Variants in CCS observed in about 807,000 individuals in gnomAD.
The protein encoded by CCS is superoxide dismutase copper chaperone.
In CCS, 32 loss-of-function variants were observed where a neutral mutation model predicts 35.5. The observed-to-expected ratio is 0.90, with a 90% CI of 0.68 to 1.21. CCS has a LOEUF of 1.21. Among genes scored for constraint, CCS ranks in the 50% most tolerant of loss-of-function variants. The pLI is 0.00. For synonymous variants in CCS, 130 were observed against 147.2 expected (o/e 0.88, Z 0.84); for missense variants, 342 against 375.4 (o/e 0.91, Z 0.73).
At chr11:66,597,284 C>G (rs960828588) in intron 2 of CCS, among the ~76,000 whole-genome samples, 4 of 151,838 alleles carry the variant, frequency 2.6e-5, no homozygotes, top group African/African-American at 7.3e-5. Flanking sequence ...CGGTGAAACC[C>G]TGTCTCTACT....
At position 66,600,524 on chromosome 11, in the gene CCS, A is replaced by T; in HGVS notation, c.464A>T (p.His155Leu). ...GNHFNPDGAS[H>L]GGPQDSDRHR... ...CACTTTAACCCTGATGGAGCATCTC[A>T]TGGGGGCCCCCAGGACTCTGACCGG... Residue 155 changes from histidine to leucine, a missense_variant, in exon 5 of 8, where the codon CAT (histidine) becomes CTT (leucine). Transcript: ENST00000533244. The T allele has an allele frequency of 6.5e-7, 1 of 1,527,884 alleles. No individual in the cohort carries two copies. The highest frequency in any genetic ancestry group is 1.9e-5 in the Admixed American group (1 of 51,644). The allele number at this position is 1,527,884 out of a possible 1,614,324, so 94.6% of individuals were successfully genotyped here. A position where few individuals can be genotyped will look rare whatever the true frequency, so the allele number is the denominator to read the frequency against.
At chr11:66,599,395 C>A in intron 3 of CCS, 64 bp from the exon 4 acceptor site, 1 of 1,496,986 alleles carries the variant, frequency 6.7e-7, no homozygotes, top group East Asian at 2.3e-5. Context: ...CTGCCCTTCC[C>A]GAGCTGCTGA....
Position 66,599,213 on chromosome 11 carries a change from G to A in CCS, c.210G>A (p.Gly70=). 1 of 1,613,084 alleles carries A rather than the reference G, an allele frequency of 6.2e-7. No homozygotes were observed. The highest frequency in any genetic ancestry group is 8.5e-7 in the Non-Finnish European group (1 of 1,179,612). Residue 70 remains glycine (G), a synonymous_variant, in exon 3 of 8, where the codon GGG becomes GGA. Transcript: ENST00000533244. ...TGCAGGCTCTCCTGGAAGGCACGGG[G>A]CGGCAGGCGGTACTCAAGGGCATGG... is the stretch of plus-strand genomic sequence containing the variant. The part of the protein sequence containing the change: ...QEVQALLEGT[G]RQAVLKGMGS...
At chr11:66,593,387 G>A (rs577188430) in intron 1 of CCS, 87 bp downstream of exon 1, 1 of 1,361,878 alleles carries the variant, frequency 7.3e-7, no homozygotes, top group South Asian at 1.5e-5. Context: ...AGGAGAAGGA[G>A]TGGGCACTTG....
intron 2 of CCS, among the ~76,000 whole-genome samples, chr11:66,595,494 G>A (rs533336903): frequency 1.3e-5 from 2 of 152,240 alleles, no homozygotes; most frequent in East Asian, 1.9e-4. Context: ...GGTCCGGCTT[G>A]GCTTTCTCAT....
At position 66,605,512 on chromosome 11, in the gene CCS, C is replaced by T; in HGVS notation, c.591C>T (p.Ser197=). ...AGGTGTGGGATGTGATTGGCCGCAG[C>T]CTGATTATTGATGAGGGAGAAGATG... is the stretch of plus-strand genomic sequence containing the variant. The part of the protein sequence containing the change: ...QLKVWDVIGR[S]LIIDEGEDDL... Residue 197 remains serine (S), a synonymous_variant, in exon 7 of 8, where the codon AGC becomes AGT. Coordinates refer to ENST00000533244, the MANE Select transcript of CCS (RefSeq NM_005125.2). The T allele has an allele frequency of 6.2e-7, 1 of 1,614,070 alleles. No individual in the cohort carries two copies. The highest frequency in any genetic ancestry group is 1.6e-4 in the Middle Eastern group (1 of 6,062).
chr11:66,601,706 A>G (rs1858574047), intron 5 of CCS, among the ~76,000 whole-genome samples: 2 of 151,902 alleles, frequency 1.3e-5, no homozygotes, highest in African/African-American at 4.8e-5. Flanking sequence ...TGGGACCACA[A>G]GCATGTACCA....
chr11:66,593,573 G>A, intron 1 of CCS, 69 bp from the exon 2 acceptor site: 1 of 1,503,428 alleles, frequency 6.7e-7, no homozygotes, highest in East Asian at 2.3e-5. Flanking sequence ...TCATAGGGTA[G>A]GTGGTGAAAC....
chr11:66,599,296 G>A (rs769336832), intron 3 of CCS, 43 bp downstream of exon 3: 21 of 1,545,236 alleles, frequency 1.4e-5, no homozygotes, highest in Non-Finnish European at 1.8e-5. Context: ...GAGGGAGGTG[G>A]CTCAGAGCTG....
chr11:66,598,332 T>C (rs1256044747), intron 2 of CCS, among the ~76,000 whole-genome samples: 4 of 150,152 alleles, frequency 2.7e-5, no homozygotes, highest in African/African-American at 9.7e-5. Context: ...TGAAACCCCA[T>C]GTCTACTAAA....
chr11:66,593,331 C>A, intron 1 of CCS, 31 bp downstream of exon 1: 2 of 1,495,040 alleles, frequency 1.3e-6, no homozygotes, highest in Non-Finnish European at 8.9e-7. Flanking sequence ...TGGAGCCTCG[C>A]CGGGCAGAGA....
Position 66,605,515 on chromosome 11 carries a change from G to A in CCS, c.594G>A (p.Leu198=), listed in dbSNP as rs1298352017. The change falls in exon 7 of 8, where the codon CTG becomes CTA. Residue 198 remains leucine, a synonymous_variant. Transcript: ENST00000533244. ...TGTGGGATGTGATTGGCCGCAGCCT[G>A]ATTATTGATGAGGGAGAAGATGACC... ...LKVWDVIGRS[L]IIDEGEDDLG... The A allele has an allele frequency of 2.5e-6, 4 of 1,614,090 alleles. No homozygotes were observed. In the South Asian group the frequency reaches 4.4e-5, roughly 18 times the overall value.
chr11:66,604,347 C>T (rs1858620174), intron 5 of CCS, among the ~76,000 whole-genome samples: 1 of 152,180 alleles, frequency 6.6e-6, no homozygotes, highest in Non-Finnish European at 1.5e-5. Context: ...GTACCAGGTG[C>T]AGGCAGCAGA....
At position 66,599,170 on chromosome 11, in the gene CCS, C is replaced by T. The variant is rs756170953; in HGVS notation, c.167C>T (p.Thr56Ile). ...GACCAGATGGTCTTGGTACACACCA[C>T]TCTACCCAGCCAGGAGGTGCAGGCT... is the stretch of plus-strand genomic sequence containing the variant. ...LEDQMVLVHT[T>I]LPSQEVQALL... is the part of the protein sequence containing the mutation. The change falls in exon 3 of 8, where the codon ACT (threonine) becomes ATT (isoleucine). Residue 56 changes from threonine to isoleucine, a missense_variant. By Grantham distance (89) the Thr-to-Ile change is moderately conservative. Transcript: ENST00000533244. The T allele has an allele frequency of 1.7e-5, 27 of 1,614,006 alleles. 1 individual carries two copies. In the East Asian group the frequency reaches 5.8e-4, roughly 35 times the overall value.
At chr11:66,595,679 T>C (rs1858465597) in intron 2 of CCS, among the ~76,000 whole-genome samples, 1 of 152,136 alleles carries the variant, frequency 6.6e-6, no homozygotes, top group Non-Finnish European at 1.5e-5. Flanking sequence ...TGTGGCCTTC[T>C]GTTTTCTCTC....
chr11:66,594,283 CG>C lies in CCS; in HGVS notation c.112+572del, dbSNP rs1362533254. Among the ~76,000 whole-genome samples the C allele has an allele frequency of 2.6e-5, 4 of 152,242 alleles. No individual in the cohort carries two copies. In the East Asian group the frequency reaches 7.7e-4, roughly 29 times the overall value. ...CAGAGGCAGGAGAATGGCGTGAACC[CG>C]GGAGGCGGAGCTTGCAGTTAGCCGA... On this transcript the variant is annotated intron_variant, in intron 2 of 7. Transcript: ENST00000533244.
intron 2 of CCS, 109 bp from the exon 3 acceptor site, chr11:66,599,007 G>T (rs1374272603): frequency 8.0e-6 from 11 of 1,372,128 alleles, no homozygotes; most frequent in Non-Finnish European, 1.0e-5. Context: ...CTCTGACCAT[G>T]GGAAGTTTGG....
Position 66,605,391 on chromosome 11 carries a change from T to A in CCS, c.542T>A (p.Phe181Tyr). 7.4e-6 allele frequency: 12 copies of A among 1,614,086 alleles called. 1 individual carries two copies. The highest frequency in any genetic ancestry group is 1.0e-5 in the Non-Finnish European group (12 of 1,180,014). ...GCTGATGCTGACGGCCGCGCCATCT[T>A]CAGAATGGAGGATGAGCAGCTGAAG... is the stretch of plus-strand genomic sequence containing the variant. ...VRADADGRAI[F>Y]RMEDEQLKVW... Residue 181 changes from phenylalanine to tyrosine, a missense_variant, in exon 6 of 8, where the codon TTC (phenylalanine) becomes TAC (tyrosine). Transcript: ENST00000533244.
intron 4 of CCS, 125 bp from the exon 5 acceptor site, chr11:66,600,364 C>CA: frequency 1.8e-6 from 1 of 569,322 alleles, no homozygotes; most frequent in Non-Finnish European, 3.0e-6. Flanking sequence ...AAGCCCAGCA[C>CA]AGAGTAGGCC....
Sources: allele counts gnomAD v4.1 joint callset (sites outside exome capture counted in the v4.1 genomes callset), GRCh38; gene constraint gnomAD v4.1.1; transcripts MANE v1.5; gene names NCBI Gene and HGNC (gene_info 2026-07-23, HGNC 2026-07-21).